The following COL15A1 variants were observed in gnomAD, a reference collection of about 807,000 sequenced individuals.
COL15A1 encodes collagen type XV alpha 1 chain.
Under a neutral mutation model 165.9 loss-of-function variants are expected in COL15A1, and 111 were observed. The ratio of observed to expected loss-of-function variants is 0.67; its 90% CI spans 0.57 to 0.78. The LOEUF (loss-of-function observed/expected upper bound fraction) is 0.78, where lower values mean the gene tolerates loss of function less well. Among genes scored for constraint, COL15A1 ranks in the 30% least tolerant of loss-of-function variants. The pLI, the probability that COL15A1 is intolerant of heterozygous loss-of-function variation, is 0.00. For missense variants in COL15A1, 1,745 were observed against 1,789.7 expected (o/e 0.98, Z 0.45); for synonymous variants, 659 against 674.8 (o/e 0.98, Z 0.36).
At chr9:98,961,598 T>C (rs1034026651) in intron 2 of COL15A1, among the ~76,000 whole-genome samples, 2 of 152,070 alleles carry the variant, frequency 1.3e-5, no homozygotes, top group African/African-American at 2.4e-5. Flanking sequence ...AGGGTGAAGT[T>C]TCTGGGATGA....
chr9:98,972,231 C>G (rs765562246), intron 2 of COL15A1, among the ~76,000 whole-genome samples: 1 of 152,182 alleles, frequency 6.6e-6, no homozygotes, highest in African/African-American at 2.4e-5. Context: ...ATAGGTCTGT[C>G]TGATGCCAAA....
chr9:98,963,611 G>T (rs934751208), intron 2 of COL15A1, among the ~76,000 whole-genome samples: 1 of 152,220 alleles, frequency 6.6e-6, no homozygotes, highest in African/African-American at 2.4e-5. Context: ...CTGAGCTTTG[G>T]AAACATCACA....
chr9:99,020,282 G>A, intron 11 of COL15A1, 107 bp from the exon 12 acceptor site: 4 of 814,148 alleles, frequency 4.9e-6, no homozygotes, highest in Non-Finnish European at 8.6e-6. Context: ...ACAAGCCCTA[G>A]CTCATGCCCA....
chr9:98,984,572 A>G (rs533985729), intron 2 of COL15A1, among the ~76,000 whole-genome samples: 1 of 152,364 alleles, frequency 6.6e-6, no homozygotes, highest in South Asian at 2.1e-4. Context: ...TGAGGATTAC[A>G]TGAGCTAATG....
In COL15A1 at chr9:99,069,890, CCTT is replaced by C; in HGVS notation, c.*7_*9del. On this transcript the variant is annotated 3_prime_UTR_variant, in exon 42 of 42. Coordinates refer to ENST00000375001, the MANE Select transcript of COL15A1 (RefSeq NM_001855.5). ...CATGACAGACGCTAGGAAGTAATGG[CCTT>C]CTGATGATTCTTAAAGAGTTTTCAA... 1 of 1,597,204 alleles carries C rather than the reference CCTT, an allele frequency of 6.3e-7. No individual in the cohort carries two copies.
intron 2 of COL15A1, among the ~76,000 whole-genome samples, chr9:98,962,781 AG>A (rs1221953107): frequency 6.6e-6 from 1 of 152,206 alleles, no homozygotes; most frequent in Non-Finnish European, 1.5e-5. Context: ...CTGTGTGTTG[AG>A]GGGGCTATTA....
At position 99,067,105 on chromosome 9, in the gene COL15A1, A is replaced by G. The variant is rs2118012707; in HGVS notation, c.3837+38A>G. 3.2e-6 allele frequency: 5 copies of G among 1,565,906 alleles called. No homozygotes were observed. The African/African-American group carries it at 5.4e-5, about 17-fold the overall frequency. On this transcript the variant is annotated intron_variant, in intron 40 of 41. Coordinates refer to ENST00000375001, the MANE Select transcript of COL15A1 (RefSeq NM_001855.5). ...ATGGTTCCCATTGCCTTCTGCATGCATTGGTCGCTACAGGGCCTGGAGGCA... is the reference window on the plus strand; with the variant it reads ...ATGGTTCCCATTGCCTTCTGCATGCGTTGGTCGCTACAGGGCCTGGAGGCA...
intron 27 of COL15A1, 35 bp from the exon 28 acceptor site, chr9:99,047,906 G>A (rs768619622): frequency 2.0e-5 from 32 of 1,608,486 alleles, no homozygotes; most frequent in South Asian, 1.1e-4. Context: ...GTCTGTGGGC[G>A]GAGGGTTTAC....
chr9:98,992,009 A>G (rs1186096370), intron 5 of COL15A1, among the ~76,000 whole-genome samples: 3 of 152,258 alleles, frequency 2.0e-5, no homozygotes, highest in East Asian at 3.8e-4. Context: ...AGCTAGACAT[A>G]AAAGTTCTCC....
intron 9 of COL15A1, among the ~76,000 whole-genome samples, chr9:99,011,315 C>CA (rs1223864631): frequency 7.0e-6 from 1 of 143,376 alleles, no homozygotes; most frequent in Non-Finnish European, 1.5e-5. Flanking sequence ...CATATGAAAG[C>CA]TTTTTTTTTC....
In COL15A1 at chr9:99,036,378, C is replaced by T. The variant is rs1839302603; in HGVS notation, c.2391C>T (p.His797=). Residue 797 remains histidine (H), a synonymous_variant, in exon 21 of 42, where the codon CAC becomes CAT. Coordinates refer to ENST00000375001, the MANE Select transcript of COL15A1 (RefSeq NM_001855.5). ...CTGGGCCGAGAGGGCCACCTGGGCA[C>T]ATCAAGGTCTTGTCTAATGTGAGTA... ...GPPGPRGPPG[H]IKVLSNSLIN... 6.2e-7 allele frequency: 1 copy of T among 1,614,074 alleles called. No individual in the cohort carries two copies.
chr9:98,968,283 G>A, intron 2 of COL15A1, among the ~76,000 whole-genome samples: 1 of 152,224 alleles, frequency 6.6e-6, no homozygotes, highest in South Asian at 2.1e-4. Context: ...GAGTTTCCTA[G>A]GGCTGCGGTA....
intron 28 of COL15A1, among the ~76,000 whole-genome samples, chr9:99,049,390 A>G (rs77510656): frequency 1.5e-3 from 235 of 152,328 alleles, no homozygotes; most frequent in Non-Finnish European, 2.6e-3. Context: ...TTGCAATCTC[A>G]GTTCTGCTGT....
In COL15A1 at chr9:99,018,741, G is replaced by C. The variant is rs76307300; in HGVS notation, c.1648-1648G>C. Among the ~76,000 whole-genome samples, 10 of 152,340 alleles carry C rather than the reference G, an allele frequency of 6.6e-5. No individual in the cohort carries two copies. The East Asian group carries it at 1.9e-3, about 29-fold the overall frequency. ...ATGGGGGAAATGCTTAGCATATAAT[G>C]TTAAGTGAAAGAAGCTGGTTGTAAA... On this transcript the variant is annotated intron_variant, in intron 11 of 41. Transcript: ENST00000375001.
intron 23 of COL15A1, 132 bp from the exon 24 acceptor site, chr9:99,041,913 A>G: frequency 3.2e-6 from 2 of 628,270 alleles, no homozygotes; most frequent in Non-Finnish European, 2.8e-6. Context: ...AAAATGTCAT[A>G]GGTAATCATG....
chr9:98,946,979 C>A (rs552985232), intron 2 of COL15A1, among the ~76,000 whole-genome samples: 1 of 152,168 alleles, frequency 6.6e-6, no homozygotes, highest in Non-Finnish European at 1.5e-5. Context: ...ATGTTCCCAA[C>A]GATTTGGCAG....
In COL15A1 at chr9:99,025,920, C is replaced by T. The variant is rs986378357; in HGVS notation, c.1997C>T (p.Pro666Leu). 4 of 1,612,974 alleles carry T rather than the reference C, an allele frequency of 2.5e-6. No homozygotes were observed. The highest frequency in any genetic ancestry group is 1.7e-5 in the Admixed American group (1 of 59,856). The stretch of plus-strand genomic sequence containing the variant: ...GTTCCCCAGGGCCCTGAGGGACAGC[C>T]TGGAGTTGATGGAGCCACCGGCCTT... ...EPGPPGPEGQ[P>L]GVDGATGLPG... Residue 666 changes from proline (P) to leucine (L), a missense_variant, in exon 16 of 42, where the codon CCT becomes CTT. Transcript: ENST00000375001.
chr9:99,062,391 A>G, intron 38 of COL15A1, 87 bp downstream of exon 38: 1 of 975,150 alleles, frequency 1.0e-6, no homozygotes, highest in Non-Finnish European at 1.7e-6. Flanking sequence ...AAGCTCTCCA[A>G]ACTCTGGACA....
chr9:99,026,687 C>T (rs1293172768), intron 16 of COL15A1, among the ~76,000 whole-genome samples: 1 of 152,232 alleles, frequency 6.6e-6, no homozygotes, highest in Non-Finnish European at 1.5e-5. Context: ...TTTGGGATGT[C>T]CTTTTCCTTT....
Sources: allele counts gnomAD v4.1 joint callset (sites outside exome capture counted in the v4.1 genomes callset), GRCh38; gene constraint gnomAD v4.1.1; transcripts MANE v1.5; gene names NCBI Gene and HGNC (gene_info 2026-07-23, HGNC 2026-07-21).